The following C3orf18 variants were observed in gnomAD, a reference collection of about 807,000 sequenced individuals.
The protein encoded by C3orf18 is uncharacterized protein C3orf18.
A neutral mutation model predicts 14.1 loss-of-function variants in C3orf18; 12 were observed. The observed-to-expected ratio is 0.85, with a 90% CI of 0.55 to 1.38. The LOEUF is 1.38. Among genes scored for constraint, C3orf18 ranks in the 40% most tolerant of loss-of-function variants. C3orf18 has a pLI of 0.00. For missense variants in C3orf18, 196 were observed against 213.9 expected (o/e 0.92, Z 0.52); for synonymous variants, 82 against 87.9 (o/e 0.93, Z 0.38).
Position 50,558,405 on chromosome 3 carries a change from C to A in C3orf18, c.*1252G>T. 3.7e-6 allele frequency: 1 copy of A among 272,344 alleles called. No individual in the cohort carries two copies. Among genetic ancestry groups the A allele is most frequent in the Non-Finnish European group, 7.2e-6 (1 of 138,294 alleles). The allele number at this position is 272,344 out of a possible 1,614,324, so 16.9% of individuals were successfully genotyped here. A position where few individuals can be genotyped will look rare whatever the true frequency, so the allele number is the denominator to read the frequency against. ...GTCTCTGCCCAATGGCTTGCCAGGA[C>A]CCCTGGTATCAGCCCTGACCCTCCA... is the stretch of plus-strand genomic sequence containing the variant. On this transcript the variant is annotated 3_prime_UTR_variant, in exon 6 of 6. Coordinates refer to ENST00000357203, the MANE Select transcript of C3orf18 (RefSeq NM_016210.5).
chr3:50,561,591 C>T (rs1360587508), intron 4 of C3orf18, 131 bp downstream of exon 4: 4 of 874,968 alleles, frequency 4.6e-6, no homozygotes, highest in African/African-American at 1.6e-5. Flanking sequence ...AAGTGGTCAC[C>T]CCCAACCATG....
Position 50,558,418 on chromosome 3 carries a change from C to T in C3orf18, c.*1239G>A. ...GGCTTGCCAGGACCCCTGGTATCAG[C>T]CCTGACCCTCCAAGGCTTATGGAGA... On this transcript the variant is annotated 3_prime_UTR_variant, in exon 6 of 6. Coordinates refer to ENST00000357203, the MANE Select transcript of C3orf18 (RefSeq NM_016210.5). 3.3e-6 allele frequency: 1 copy of T among 305,522 alleles called. No homozygotes were observed. The highest frequency in any genetic ancestry group is 2.9e-5 in the South Asian group (1 of 34,400). The allele number at this position is 305,522 out of a possible 1,614,324, so 18.9% of individuals were successfully genotyped here.
chr3:50,572,181 A>G (rs1182922879), upstream of C3orf18: 2 of 1,613,802 alleles, frequency 1.2e-6, no homozygotes, highest in Non-Finnish European at 1.7e-6. Flanking sequence ...TGGTGCCCCC[A>G]GTGTTTATTC....
At chr3:50,563,227 T>G (rs1453393095) in intron 3 of C3orf18, among the ~76,000 whole-genome samples, 1 of 151,938 alleles carries the variant, frequency 6.6e-6, no homozygotes, top group Non-Finnish European at 1.5e-5. Flanking sequence ...CATGTAGGGG[T>G]GCTCCCTTGC....
chr3:50,564,679 G>T (rs1291580334), intron 3 of C3orf18, among the ~76,000 whole-genome samples: 1 of 152,168 alleles, frequency 6.6e-6, no homozygotes, highest in African/African-American at 2.4e-5. Context: ...GGTTCCAAAG[G>T]CCTGGTCCAG....
upstream of C3orf18, chr3:50,571,342 A>G: frequency 6.4e-7 from 1 of 1,557,770 alleles, no homozygotes; most frequent in South Asian, 1.2e-5. Flanking sequence ...AGTTAAGTTT[A>G]GTGTTGTCAA....
intron 1 of C3orf18, among the ~76,000 whole-genome samples, chr3:50,566,906 C>T (rs373076330): frequency 1.3e-5 from 2 of 152,110 alleles, no homozygotes; most frequent in Non-Finnish European, 1.5e-5. Context: ...GCAGATGGGA[C>T]GGCCTAGGGA....
chr3:50,561,679 G>A, intron 4 of C3orf18, 43 bp downstream of exon 4: 2 of 1,603,336 alleles, frequency 1.2e-6, no homozygotes, highest in Non-Finnish European at 8.5e-7. Context: ...ACTCCCCATG[G>A]CCTCAAGTTT....
upstream of C3orf18, among the ~76,000 whole-genome samples, chr3:50,573,721 G>A (rs778375951): frequency 6.6e-6 from 1 of 152,260 alleles, no homozygotes; most frequent in Non-Finnish European, 1.5e-5. Context: ...TCAAGAGGAC[G>A]TGGCCTGTGG....
chr3:50,566,959 C>T (rs1017064262), intron 1 of C3orf18, among the ~76,000 whole-genome samples: 10 of 152,152 alleles, frequency 6.6e-5, no homozygotes, highest in Non-Finnish European at 1.3e-4. Context: ...TCCCCCTGTG[C>T]TGGTTCATGG....
At chr3:50,570,728 A>T (rs1019377581), upstream of C3orf18, 2 of 173,956 alleles carry the variant, frequency 1.1e-5, no homozygotes, top group African/African-American at 4.7e-5. Flanking sequence ...GCAGAGACTG[A>T]GCTATGGGCT....
rs1700261522 is a variant in C3orf18, at chr3:50,565,860, T to C, written c.-161A>G. ...AAAGGGAGCCCCCTGCCTTCCTGGG[T>C]GCTAGAAAGGAAAGAATAAGAAACA... On this transcript the variant is annotated splice_region_variant and 5_prime_UTR_variant, in exon 3 of 6. Coordinates refer to ENST00000357203, the MANE Select transcript of C3orf18 (RefSeq NM_016210.5). The surrounding 1 kb of genome is among the most constrained non-coding windows in gnomAD (Gnocchi z 4.4). 3.3e-6 allele frequency: 2 copies of C among 602,468 alleles called. No individual in the cohort carries two copies. The highest frequency in any genetic ancestry group is 5.9e-6 in the Non-Finnish European group (2 of 339,388). 37.3% of individuals were successfully genotyped at this position (602,468 alleles called of 1,614,324 possible).
intron 1 of C3orf18, 144 bp from the exon 2 acceptor site, chr3:50,566,238 G>A (rs955977317): frequency 1.3e-5 from 2 of 151,120 alleles, no homozygotes; most frequent in South Asian, 2.1e-4. Flanking sequence ...CCCTCATCCT[G>A]CTTGGGGGAA....
chr3:50,559,729 C>T lies in C3orf18; in HGVS notation c.417G>A (p.Leu139=), dbSNP rs1210141361. ...GTCTCTGCAGTGGGCCCTGGGAGGGCAGAGTAGTCTGCAGGAAGACAGGCA... is the reference window on the plus strand; with the variant it reads ...GTCTCTGCAGTGGGCCCTGGGAGGGTAGAGTAGTCTGCAGGAAGACAGGCA... ...SVQAMQGKTT[L]PSQGPLQRPS... Residue 139 remains leucine, a synonymous_variant, in exon 6 of 6, where the codon CTG becomes CTA. Coordinates refer to ENST00000357203, the MANE Select transcript of C3orf18 (RefSeq NM_016210.5). The T allele has an allele frequency of 6.3e-7, 1 of 1,587,442 alleles. No homozygotes were observed. Among genetic ancestry groups the T allele is most frequent in the South Asian group, 1.2e-5 (1 of 86,814 alleles).
upstream of C3orf18, chr3:50,570,832 G>T (rs907857998): frequency 2.8e-6 from 1 of 352,262 alleles, no homozygotes; most frequent in Non-Finnish European, 5.1e-6. Context: ...AGTCAAGGGG[G>T]TGTCAGAGCA....
chr3:50,559,230 A>C lies in C3orf18; in HGVS notation c.*427T>G. 1 of 1,282,648 alleles carries C rather than the reference A, an allele frequency of 7.8e-7. No homozygotes were observed. Among genetic ancestry groups the C allele is most frequent in the Non-Finnish European group, 1.0e-6 (1 of 986,386 alleles). The allele number at this position is 1,282,648 out of a possible 1,614,324, so 79.5% of individuals were successfully genotyped here. A position where few individuals can be genotyped will look rare whatever the true frequency, so the allele number is the denominator to read the frequency against. On this transcript the variant is annotated 3_prime_UTR_variant, in exon 6 of 6. Transcript: ENST00000357203. ...TGGTTTCCTCTCCCCACCCCAGAGGAGGCTCCAGATTCCAAAAAACAGGTC... is the reference window on the plus strand; with the variant it reads ...TGGTTTCCTCTCCCCACCCCAGAGGCGGCTCCAGATTCCAAAAAACAGGTC...
Position 50,565,592 on chromosome 3 carries a change from G to A in C3orf18, c.108C>T (p.Thr36=), listed in dbSNP as rs1700242199. Residue 36 remains threonine (T), a synonymous_variant, in exon 3 of 6, where the codon ACC becomes ACT. Transcript: ENST00000357203. The surrounding 1 kb of genome is among the most constrained non-coding windows in gnomAD (Gnocchi z 4.4). ...TAAAGGTGGTGGCCTCTGGGCTGAGGGTAGTGGTCTCGGAGGCTGGCCCAT... is the reference window on the plus strand; with the variant it reads ...TAAAGGTGGTGGCCTCTGGGCTGAGAGTAGTGGTCTCGGAGGCTGGCCCAT... ...ATDGPASETT[T]LSPEATTFND... 4 of 1,613,922 alleles carry A rather than the reference G, an allele frequency of 2.5e-6. No homozygotes were observed. The highest frequency in any genetic ancestry group is 1.3e-5 in the African/African-American group (1 of 74,910).
chr3:50,571,229 T>C (rs769554266), upstream of C3orf18: 2 of 1,613,860 alleles, frequency 1.2e-6, no homozygotes, highest in South Asian at 1.1e-5. Context: ...TCCAGTGCCA[T>C]AGAACTGGTC....
At position 50,565,484 on chromosome 3, in the gene C3orf18, T is replaced by C. The variant is rs775853756; in HGVS notation, c.216A>G (p.Ile72Met). Residue 72 changes from isoleucine (I) to methionine (M), a missense_variant, in exon 3 of 6, where the codon ATA (isoleucine) becomes ATG (methionine). Ile to Met is a conservative substitution (Grantham distance 10). Coordinates refer to ENST00000357203, the MANE Select transcript of C3orf18 (RefSeq NM_016210.5). The surrounding 1 kb of genome is among the most constrained non-coding windows in gnomAD (Gnocchi z 4.4). ...MLLSFGIITV[I>M]GLAVALVLYI... The stretch of plus-strand genomic sequence containing the variant: ...CTCTCACCAAGGCCACAGCCAGGCC[T>C]ATCACCGTGATGATCCCAAAGGACA... The C allele has an allele frequency of 1.2e-6, 2 of 1,613,902 alleles. No individual in the cohort carries two copies. Among genetic ancestry groups the C allele is most frequent in the Non-Finnish European group, 1.7e-6 (2 of 1,179,908 alleles).
Sources: allele counts gnomAD v4.1 joint callset (sites outside exome capture counted in the v4.1 genomes callset), GRCh38; gene constraint gnomAD v4.1.1; non-coding constraint Gnocchi (gnomAD v3.1); transcripts MANE v1.5; gene names NCBI Gene and HGNC (gene_info 2026-07-23, HGNC 2026-07-21).